Variants in SHMT1 observed in about 807,000 individuals in gnomAD.
SHMT1 encodes the protein serine hydroxymethyltransferase, cytosolic.
A neutral mutation model predicts 49.0 loss-of-function variants in SHMT1; 45 were observed. The ratio of observed to expected loss-of-function variants is 0.92; its 90% confidence interval spans 0.72 to 1.18. The LOEUF (loss-of-function observed/expected upper bound fraction) is 1.18, where lower values mean the gene tolerates loss of function less well. Among genes scored for constraint, SHMT1 ranks in the 50% most tolerant of loss-of-function variants. The pLI is 0.00. For synonymous variants in SHMT1, 232 were observed against 246.6 expected (o/e 0.94, Z 0.55); for missense variants, 541 against 612.4 (o/e 0.88, Z 1.23).
At chr17:18,335,974 A>C (rs1983745632) in intron 7 of SHMT1, among the ~76,000 whole-genome samples, 1 of 152,158 alleles carries the variant, frequency 6.6e-6, no homozygotes, top group Non-Finnish European at 1.5e-5. Flanking sequence ...CAACTAGAAC[A>C]AGGCCTTAAA....
intron 10 of SHMT1, 90 bp downstream of exon 10, chr17:18,330,465 C>T (rs1402298616): frequency 2.0e-6 from 2 of 980,614 alleles, no homozygotes; most frequent in Non-Finnish European, 3.3e-6. Flanking sequence ...GAGGTCTGTC[C>T]CCGGAGCCAA....
chr17:18,337,541 G>GCCCTCTCCCTCT (rs56981227), intron 7 of SHMT1, among the ~76,000 whole-genome samples: 8 of 140,670 alleles, frequency 5.7e-5, no homozygotes, highest in Middle Eastern at 3.5e-3. Context: ...TAGTCGAACA[G>GCCCTCTCCCTCT]CCCTCTCCCT....
rs34704448 is a variant in SHMT1, at chr17:18,339,049, T to TAAAAAAAAAAAAAAAAA, written c.814+977_814+993dup. Among the ~76,000 whole-genome samples the TAAAAAAAAAAAAAAAAA allele has an allele frequency of 7.4e-5, 2 of 26,852 alleles. 1 individual carries two copies. Among genetic ancestry groups the TAAAAAAAAAAAAAAAAA allele is most frequent in the African/African-American group, 3.6e-4 (2 of 5,620 alleles). 17.6% of individuals were successfully genotyped at this position (26,852 alleles called of 152,430 possible). ...ACACCCAAGAATGATCAATAAATAC[T>TAAAAAAAAAAAAAAAAA]AAAAAAAAAAAAAAAAAAAAAAAAA... is the stretch of plus-strand genomic sequence containing the variant. On this transcript the variant is annotated intron_variant, in intron 7 of 11. Transcript: ENST00000316694.
In SHMT1 at chr17:18,340,648, A is replaced by G. The variant is rs1555580025; in HGVS notation, c.601+84T>C. 7 of 1,206,994 alleles carry G rather than the reference A, an allele frequency of 5.8e-6. No individual in the cohort carries two copies. The highest frequency in any genetic ancestry group is 8.4e-6 in the Non-Finnish European group (7 of 831,644). The allele number at this position is 1,206,994 out of a possible 1,614,324, so 74.8% of individuals were successfully genotyped here. ...GGCAGAAACTAGCAGTGGGCTCAAC[A>G]GGGTGCGAACATCTTTCCATCCTCA... is the stretch of plus-strand genomic sequence containing the variant. On this transcript the variant is annotated intron_variant, in intron 6 of 11. Coordinates refer to ENST00000316694, the MANE Select transcript of SHMT1 (RefSeq NM_004169.5). This position sits in a 1 kb window ranked among gnomAD's most constrained non-coding sequence, Gnocchi z 4.5.
intron 7 of SHMT1, among the ~76,000 whole-genome samples, chr17:18,337,922 C>A (rs1419090028): frequency 2.0e-5 from 3 of 152,084 alleles, no homozygotes; most frequent in African/African-American, 7.2e-5. Flanking sequence ...CGGCTCGCTA[C>A]AACCTCCACC....
intron 9 of SHMT1, chr17:18,331,464 A>C (rs1983200002): frequency 1.9e-5 from 3 of 156,066 alleles, no homozygotes; most frequent in Non-Finnish European, 4.3e-5. Context: ...GCTGTCATGA[A>C]GTTTAAGTAA....
intron 5 of SHMT1, among the ~76,000 whole-genome samples, chr17:18,346,464 A>G (rs1028844951): frequency 7.9e-5 from 12 of 152,070 alleles, no homozygotes; most frequent in African/African-American, 2.9e-4. Flanking sequence ...CCCACGAAAA[A>G]CAAGTATTTG....
rs1203354249 is a variant in SHMT1 at position 18,338,536 on chromosome 17, A to G, written c.814+1507T>C. ...TGGGAAGTGAGGAGCCCCTCTGCCC[A>G]GCCGCCACCCCGTCTGGGAGGTGTA... On this transcript the variant is annotated intron_variant, in intron 7 of 11. Transcript: ENST00000316694. 2.7e-5 allele frequency among the ~76,000 whole-genome samples: 4 copies of G among 150,578 alleles called. No homozygotes were observed. In the East Asian group the frequency reaches 5.9e-4, roughly 22 times the overall value.
chr17:18,348,528 G>C (rs1567786252), intron 3 of SHMT1, 88 bp from the exon 4 acceptor site: 1 of 912,150 alleles, frequency 1.1e-6, no homozygotes, highest in Non-Finnish European at 1.8e-6. Context: ...GGGTGGGACA[G>C]TGAAACTAAA....
chr17:18,348,468 T>A, intron 3 of SHMT1, 28 bp from the exon 4 acceptor site: 1 of 1,521,742 alleles, frequency 6.6e-7, no homozygotes, highest in Non-Finnish European at 9.1e-7. Context: ...GAGACTTAGA[T>A]CCACTCAGAC....
chr17:18,330,773 G>T, intron 9 of SHMT1, 102 bp from the exon 10 acceptor site: 1 of 810,662 alleles, frequency 1.2e-6, no homozygotes, highest in Non-Finnish European at 2.1e-6. Flanking sequence ...AGCAGATGAG[G>T]TCAGGAAGGT....
chr17:18,340,451 T>A lies in SHMT1; in HGVS notation c.602-196A>T. Reference sequence around the variant, plus strand: ...CCACTCTAACTCTTCAACGTCTTGGTGGTTGAGATGGCCCCAACTACTATT... The same window carrying A: ...CCACTCTAACTCTTCAACGTCTTGGAGGTTGAGATGGCCCCAACTACTATT... On this transcript the variant is annotated intron_variant, in intron 6 of 11. Coordinates refer to ENST00000316694, the MANE Select transcript of SHMT1 (RefSeq NM_004169.5). This position sits in a 1 kb window ranked among gnomAD's most constrained non-coding sequence, Gnocchi z 4.5. The A allele has an allele frequency of 1.4e-6, 1 of 691,298 alleles. No individual in the cohort carries two copies. Among genetic ancestry groups the A allele is most frequent in the Non-Finnish European group, 2.5e-6 (1 of 394,540 alleles). The allele number at this position is 691,298 out of a possible 1,614,324, so 42.8% of individuals were successfully genotyped here.
intron 1 of SHMT1, among the ~76,000 whole-genome samples, chr17:18,360,144 G>A (rs1986623806): frequency 6.6e-6 from 1 of 151,956 alleles, no homozygotes; most frequent in Non-Finnish European, 1.5e-5. Flanking sequence ...AGCTATGCGG[G>A]AGGCTGAGGT....
chr17:18,331,481 G>A (rs1412976451), intron 9 of SHMT1: 2 of 154,364 alleles, frequency 1.3e-5, no homozygotes, highest in Non-Finnish European at 2.9e-5. Flanking sequence ...GTAAGATACT[G>A]GACATAGTGC....
At chr17:18,341,996 GC>G (rs1984574555) in intron 5 of SHMT1, among the ~76,000 whole-genome samples, 1 of 152,084 alleles carries the variant, frequency 6.6e-6, no homozygotes, top group Non-Finnish European at 1.5e-5. Flanking sequence ...TTATCTGGAT[GC>G]CCGCCTCACC....
rs770066422 is a variant in SHMT1, at chr17:18,340,712, C to A, written c.601+20G>T. The A allele has an allele frequency of 1.2e-6, 2 of 1,602,742 alleles. No individual in the cohort carries two copies. The highest frequency in any genetic ancestry group is 2.3e-5 in the South Asian group (2 of 88,712). ...ACCAGGCTACTGGTGAACAAGGTGACTTTCCGCCCCGCGCATCACCTGCGA... is the reference window on the plus strand; with the variant it reads ...ACCAGGCTACTGGTGAACAAGGTGAATTTCCGCCCCGCGCATCACCTGCGA... On this transcript the variant is annotated intron_variant, in intron 6 of 11. Transcript: ENST00000316694. This position sits in a 1 kb window ranked among gnomAD's most constrained non-coding sequence, Gnocchi z 4.5.
chr17:18,329,070 G>T, intron 11 of SHMT1, 151 bp from the exon 12 acceptor site: 1 of 1,063,426 alleles, frequency 9.4e-7, no homozygotes, highest in East Asian at 2.5e-5. Context: ...ACTCTGAGAT[G>T]CACCCACCCT....
intron 7 of SHMT1, 24 bp from the exon 8 acceptor site, chr17:18,335,699 T>C: frequency 6.6e-7 from 1 of 1,504,544 alleles, no homozygotes; most frequent in Non-Finnish European, 9.3e-7. Context: ...AACATCACAG[T>C]GGGATCATAG....
chr17:18,330,720 G>T, intron 9 of SHMT1, 49 bp from the exon 10 acceptor site: 1 of 1,349,632 alleles, frequency 7.4e-7, no homozygotes, highest in Non-Finnish European at 1.1e-6. Context: ...TCTATGCCGT[G>T]AAGGAATCTC....
Sources: allele counts gnomAD v4.1 joint callset (sites outside exome capture counted in the v4.1 genomes callset), GRCh38; gene constraint gnomAD v4.1.1; non-coding constraint Gnocchi (gnomAD v3.1); transcripts MANE v1.5; gene names NCBI Gene and HGNC (gene_info 2026-07-23, HGNC 2026-07-21).